CAPRIN1: variants seen among roughly 807,000 people sequenced by gnomAD.
CAPRIN1 encodes caprin-1.
A neutral mutation model predicts 100.9 loss-of-function variants in CAPRIN1; 29 were observed. The ratio of observed to expected loss-of-function variants is 0.29; its 90% confidence interval spans 0.21 to 0.39. CAPRIN1 has a LOEUF of 0.39. CAPRIN1 is among the 10% of genes least tolerant of loss of function. CAPRIN1 has a pLI of 1.00. For synonymous variants in CAPRIN1, 338 were observed against 307.5 expected, an observed-to-expected ratio of 1.10 and a Z score of -1.04; for missense variants, 795 against 876.7, an observed-to-expected ratio of 0.91 and a Z score of 1.18.
intron 2 of CAPRIN1, 82 bp from the exon 3 acceptor site, chr11:34,071,644 A>T: frequency 1.1e-6 from 1 of 913,902 alleles, no homozygotes; most frequent in Non-Finnish European, 1.7e-6. Flanking sequence ...AACTTAGAGG[A>T]TTGTGAGGGT....
intron 16 of CAPRIN1, among the ~76,000 whole-genome samples, chr11:34,096,929 C>A (rs1205127124): frequency 6.6e-6 from 1 of 152,122 alleles, no homozygotes; most frequent in Non-Finnish European, 1.5e-5. Flanking sequence ...TAAGTATTTT[C>A]CACATTACCA....
At chr11:34,084,243 T>A (rs1388363281) in intron 9 of CAPRIN1, among the ~76,000 whole-genome samples, 1 of 152,010 alleles carries the variant, frequency 6.6e-6, no homozygotes, top group Non-Finnish European at 1.5e-5. Flanking sequence ...CATGAGCCAC[T>A]GCGCCTGGCC....
intron 2 of CAPRIN1, among the ~76,000 whole-genome samples, chr11:34,069,151 GTTTTTTT>G (rs759857309): frequency 7.5e-6 from 1 of 132,816 alleles, no homozygotes; most frequent in Non-Finnish European, 1.6e-5. Context: ...AACTTATTTA[GTTTTTTT>G]TTTTTTTTTT....
rs1850902874 is a variant in CAPRIN1 at position 34,076,185 on chromosome 11, C to A, written c.367-51C>A. 2.2e-6 allele frequency: 3 copies of A among 1,377,820 alleles called. No individual in the cohort carries two copies. In the East Asian group the frequency reaches 6.9e-5, roughly 32 times the overall value. 85.3% of individuals were successfully genotyped at this position (1,377,820 alleles called of 1,614,324 possible). ...TAAGCTGGACCTGAAATGGATTGAA[C>A]TAAGTTTTATATAACTAATTTTGGT... On this transcript the variant is annotated intron_variant, in intron 4 of 18. Coordinates refer to ENST00000341394, the MANE Select transcript of CAPRIN1 (RefSeq NM_005898.5).
chr11:34,072,102 T>G (rs953975333), intron 4 of CAPRIN1, 115 bp downstream of exon 4: 1 of 634,074 alleles, frequency 1.6e-6, no homozygotes, highest in African/African-American at 1.8e-5. Context: ...TATCCAATTA[T>G]ATCTAAGATG....
intron 4 of CAPRIN1, among the ~76,000 whole-genome samples, chr11:34,072,330 A>C (rs1022161674): frequency 6.6e-6 from 1 of 151,926 alleles, no homozygotes; most frequent in Non-Finnish European, 1.5e-5. Context: ...AAAAAAAAAA[A>C]ACATTAAATT....
In CAPRIN1 at chr11:34,099,459, C is replaced by T. The variant is rs1851420472; in HGVS notation, c.*92C>T. ...GAAGAGTTATTATCTATTTGTTCTC[C>T]CTTTCAGGAAACTTATTGTAAAGGG... On this transcript the variant is annotated 3_prime_UTR_variant, in exon 19 of 19. Transcript: ENST00000341394. 3 of 1,092,604 alleles carry T rather than the reference C, an allele frequency of 2.7e-6. No homozygotes were observed. Among genetic ancestry groups the T allele is most frequent in the Admixed American group, 3.6e-5 (2 of 54,940 alleles). 67.7% of individuals were successfully genotyped at this position (1,092,604 alleles called of 1,614,324 possible).
chr11:34,071,857 GTTTT>G, intron 3 of CAPRIN1, 40 bp from the exon 4 acceptor site: 1 of 1,589,062 alleles, frequency 6.3e-7, no homozygotes, highest in Non-Finnish European at 8.6e-7. Flanking sequence ...TAATTCTGTG[GTTTT>G]TTGTCTTTCC....
At chr11:34,070,118 TC>T (rs200509963) in intron 2 of CAPRIN1, among the ~76,000 whole-genome samples, 1 of 778 alleles carries the variant, frequency 1.3e-3, no homozygotes, top group African/African-American at 1.5e-3. Context: ...TTCACTGTCC[TC>T]TTGACCTTTA....
At chr11:34,073,141 A>T (rs1343902261) in intron 4 of CAPRIN1, among the ~76,000 whole-genome samples, 1 of 152,188 alleles carries the variant, frequency 6.6e-6, no homozygotes, top group African/African-American at 2.4e-5. Flanking sequence ...GAAACAAAAA[A>T]GTTTATTATA....
chr11:34,081,412 T>C (rs1255537221), intron 7 of CAPRIN1, among the ~76,000 whole-genome samples: 1 of 152,152 alleles, frequency 6.6e-6, no homozygotes, highest in Non-Finnish European at 1.5e-5. Flanking sequence ...TTGGTCAGGC[T>C]GGTCTCGAAC....
intron 14 of CAPRIN1, 198 bp from the exon 15 acceptor site, chr11:34,091,708 T>G (rs1851268768): frequency 2.1e-6 from 1 of 479,220 alleles, no homozygotes; most frequent in East Asian, 3.5e-5. Context: ...TACTCCCCTT[T>G]AAGTACTATA....
At chr11:34,085,943 A>C in intron 9 of CAPRIN1, 121 bp from the exon 10 acceptor site, 1 of 722,908 alleles carries the variant, frequency 1.4e-6, no homozygotes, top group Non-Finnish European at 2.3e-6. Flanking sequence ...GGGTAACTGC[A>C]TTAAAGCCCG....
intron 2 of CAPRIN1, among the ~76,000 whole-genome samples, chr11:34,066,468 G>A (rs1850697121): frequency 6.6e-6 from 1 of 151,780 alleles, no homozygotes; most frequent in Non-Finnish European, 1.5e-5. Context: ...CGAGTAGCTG[G>A]GATTACAGGT....
chr11:34,063,002 TTTC>T (rs1331478340), intron 2 of CAPRIN1: 2 of 152,218 alleles, frequency 1.3e-5, no homozygotes, highest in Non-Finnish European at 2.9e-5. Context: ...TAATTAAAAA[TTTC>T]TTCTTAAATT....
Position 34,097,748 on chromosome 11 carries a change from G to A in CAPRIN1, c.2052G>A (p.Arg684=). The change falls in exon 18 of 19, where the codon CGG becomes CGA. Residue 684 remains arginine, a synonymous_variant. Coordinates refer to ENST00000341394, the MANE Select transcript of CAPRIN1 (RefSeq NM_005898.5). ...GAGGCTCTGGGCAGAGTGGACCACG[G>A]GGAGCCCCACGAGGTAATATTTTGT... ...FKRGSGQSGP[R]GAPRGRGGPP... The A allele has an allele frequency of 6.2e-7, 1 of 1,613,952 alleles. No individual in the cohort carries two copies. Among genetic ancestry groups the A allele is most frequent in the Non-Finnish European group, 8.5e-7 (1 of 1,179,848 alleles).
intron 2 of CAPRIN1, among the ~76,000 whole-genome samples, chr11:34,058,985 T>C (rs1850516123): frequency 6.6e-6 from 1 of 152,226 alleles, no homozygotes; most frequent in Non-Finnish European, 1.5e-5. Flanking sequence ...GTATACAGTA[T>C]AGAAGAGTGA....
Position 34,071,800 on chromosome 11 carries a change from A to G in CAPRIN1, c.279+12A>G, listed in dbSNP as rs932517958. The stretch of plus-strand genomic sequence containing the variant: ...ATCAAGATCAGCTGGTAAAGATGTT[A>G]TATTTTTTATTTTAGACCTAATGCT... On this transcript the variant is annotated intron_variant, in intron 3 of 18. Transcript: ENST00000341394. The G allele has an allele frequency of 5.5e-6, 8 of 1,453,682 alleles. No homozygotes were observed. The African/African-American group carries it at 1.4e-4, about 26-fold the overall frequency. 90.0% of individuals were successfully genotyped at this position (1,453,682 alleles called of 1,614,324 possible).
intron 2 of CAPRIN1, among the ~76,000 whole-genome samples, chr11:34,060,306 T>A (rs1236652376): frequency 6.6e-6 from 1 of 152,054 alleles, no homozygotes; most frequent in African/African-American, 2.4e-5. Context: ...TATTGGAAAT[T>A]TCATTGCATT....
Sources: gnomAD v4.1 joint callset for allele counts (sites outside exome capture counted in the v4.1 genomes callset) on GRCh38, gnomAD v4.1.1 for gene constraint, MANE v1.5 for transcripts, NCBI Gene and HGNC (gene_info 2026-07-23, HGNC 2026-07-21) for gene names.